LSAMP: variants seen among roughly 807,000 people sequenced by gnomAD.
The protein encoded by LSAMP is limbic system associated membrane protein.
Under a neutral mutation model 38.6 loss-of-function variants are expected in LSAMP, and 7 were observed. The ratio of observed to expected loss-of-function variants is 0.18; its 90% CI spans 0.10 to 0.34. The LOEUF is 0.34. LSAMP is among the 10% of genes least tolerant of loss of function. LSAMP has a pLI of 1.00. For synonymous variants in LSAMP, 154 were observed against 166.8 expected, an observed-to-expected ratio of 0.92 and a Z score of 0.59; for missense variants, 313 against 420.0, an observed-to-expected ratio of 0.75 and a Z score of 2.23.
At chr3:116,284,211 G>T (rs1371466613) in intron 1 of LSAMP, among the ~76,000 whole-genome samples, 6 of 152,034 alleles carry the variant, frequency 3.9e-5, no homozygotes, top group African/African-American at 1.2e-4. Flanking sequence ...GAGATCTATT[G>T]TTTCATGCCT....
chr3:116,357,845 C>A (rs868822238), intron 1 of LSAMP, among the ~76,000 whole-genome samples: 44 of 151,554 alleles, frequency 2.9e-4, no homozygotes, highest in African/African-American at 1.0e-3. Flanking sequence ...AACAGAAAAT[C>A]TTCCCTGGGG....
chr3:115,884,830 G>A (rs949758951), intron 3 of LSAMP, among the ~76,000 whole-genome samples: 5 of 151,864 alleles, frequency 3.3e-5, no homozygotes, highest in African/African-American at 9.7e-5. Flanking sequence ...GAATAAACAC[G>A]AATGATTATA....
chr3:116,332,933 A>C (rs1245947236), intron 1 of LSAMP, among the ~76,000 whole-genome samples: 1 of 152,138 alleles, frequency 6.6e-6, no homozygotes, highest in Non-Finnish European at 1.5e-5. Context: ...TCAATACAGT[A>C]GGAAGATATA....
rs114813050 is a variant in LSAMP at position 116,194,931 on chromosome 3, A to G, written c.156-108375T>C. ...ACACTTCCATGCTGGTCCTTGACCT[A>G]TTATTCTAAAAGTTATTCTTCATTC... On this transcript the variant is annotated intron_variant, in intron 1 of 6. Transcript: ENST00000490035. Among the ~76,000 whole-genome samples, 254 of 152,356 alleles carry G rather than the reference A, an allele frequency of 1.7e-3. 1 individual carries two copies. The highest frequency in any genetic ancestry group is 5.4e-3 in the African/African-American group (225 of 41,588).
At chr3:115,836,113 T>C (rs1301914746) in intron 6 of LSAMP, among the ~76,000 whole-genome samples, 1 of 152,200 alleles carries the variant, frequency 6.6e-6, no homozygotes, top group East Asian at 1.9e-4. Flanking sequence ...ACTCTGCCCT[T>C]ATTTCCACAT....
chr3:116,192,041 A>C (rs1245061397), intron 1 of LSAMP, among the ~76,000 whole-genome samples: 1 of 152,214 alleles, frequency 6.6e-6, no homozygotes, highest in Non-Finnish European at 1.5e-5. Context: ...GAGATAACAA[A>C]CATAACCTAA....
At chr3:116,125,377 G>A (rs879831395) in intron 1 of LSAMP, among the ~76,000 whole-genome samples, 1 of 111,080 alleles carries the variant, frequency 9.0e-6, no homozygotes, top group Admixed American at 1.1e-4. Context: ...CCCCCGCCAC[G>A]AGTTTCCTTC....
At chr3:116,351,770 G>A (rs2107766373) in intron 1 of LSAMP, among the ~76,000 whole-genome samples, 1 of 152,094 alleles carries the variant, frequency 6.6e-6, no homozygotes, top group East Asian at 1.9e-4. Context: ...CAAACTAGCT[G>A]GCTCACACGT....
At chr3:116,218,342 C>T (rs1487241403) in intron 1 of LSAMP, among the ~76,000 whole-genome samples, 1 of 152,106 alleles carries the variant, frequency 6.6e-6, no homozygotes, top group Non-Finnish European at 1.5e-5. Context: ...TTGTGACAGG[C>T]TTTATCTGAT....
chr3:116,378,082 C>A (rs2048516029), intron 1 of LSAMP, among the ~76,000 whole-genome samples: 1 of 152,064 alleles, frequency 6.6e-6, no homozygotes, highest in South Asian at 2.1e-4. Flanking sequence ...CCTTCTAGGG[C>A]TTAAACCTTG....
intron 1 of LSAMP, among the ~76,000 whole-genome samples, chr3:116,139,964 T>C (rs1017494475): frequency 6.6e-6 from 1 of 151,950 alleles, no homozygotes; most frequent in Admixed American, 6.6e-5. Context: ...GCAGAGATGG[T>C]TTTATTAGTC....
intron 1 of LSAMP, among the ~76,000 whole-genome samples, chr3:116,184,059 T>G (rs1409388527): frequency 6.6e-6 from 1 of 151,804 alleles, no homozygotes; most frequent in African/African-American, 2.4e-5. Flanking sequence ...GATACGAAAG[T>G]TGAACTCGAG....
In LSAMP at chr3:115,808,444, A is replaced by G. The variant is rs1933698939; in HGVS notation, c.*1873T>C. The G allele has an allele frequency of 6.6e-6, 1 of 152,146 alleles. No individual in the cohort carries two copies. The highest frequency in any genetic ancestry group is 6.6e-5 in the Admixed American group (1 of 15,266). 9.4% of individuals were successfully genotyped at this position (152,146 alleles called of 1,614,324 possible). On this transcript the variant is annotated 3_prime_UTR_variant, in exon 7 of 7. Coordinates refer to ENST00000490035, the MANE Select transcript of LSAMP (RefSeq NM_002338.5). ...TATGCAGAGAGCCAGCTCTCTCGGC[A>G]AGACATTTCCTAAGAAATCCTTCTG... is the stretch of plus-strand genomic sequence containing the variant.
At chr3:115,859,528 G>C (rs1312326863) in intron 3 of LSAMP, among the ~76,000 whole-genome samples, 2 of 152,118 alleles carry the variant, frequency 1.3e-5, no homozygotes, top group African/African-American at 2.4e-5. Context: ...CTATAGAAAT[G>C]TTCCCTATTT....
chr3:116,113,416 A>ATT (rs1559747952), intron 1 of LSAMP, among the ~76,000 whole-genome samples: 7 of 67,154 alleles, frequency 1.0e-4, no homozygotes, highest in East Asian at 2.9e-4. Context: ...ATATATATAT[A>ATT]TATATTTTTT....
At chr3:115,892,476 C>G (rs779012228) in intron 3 of LSAMP, among the ~76,000 whole-genome samples, 2 of 151,874 alleles carry the variant, frequency 1.3e-5, no homozygotes, top group Non-Finnish European at 1.5e-5. Flanking sequence ...TGAGAGAAGC[C>G]AGACACAAAA....
intron 1 of LSAMP, among the ~76,000 whole-genome samples, chr3:116,404,504 A>G (rs549083088): frequency 6.7e-4 from 102 of 152,236 alleles, no homozygotes; most frequent in African/African-American, 2.3e-3. Flanking sequence ...CAGATTAATG[A>G]TGGATGGTGA....
chr3:116,293,801 G>A (rs2047296970), intron 1 of LSAMP, among the ~76,000 whole-genome samples: 1 of 152,028 alleles, frequency 6.6e-6, no homozygotes, highest in Non-Finnish European at 1.5e-5. Flanking sequence ...TGGGGGTAAG[G>A]CAGGAATTGT....
chr3:116,375,016 T>C (rs915940205), intron 1 of LSAMP, among the ~76,000 whole-genome samples: 5 of 151,830 alleles, frequency 3.3e-5, no homozygotes, highest in Non-Finnish European at 5.9e-5. Context: ...CAAAAAAGAG[T>C]TGATTCCCTT....
Sources: gnomAD v4.1 joint callset for allele counts (sites outside exome capture counted in the v4.1 genomes callset) on GRCh38, gnomAD v4.1.1 for gene constraint, MANE v1.5 for transcripts, NCBI Gene and HGNC (gene_info 2026-07-23, HGNC 2026-07-21) for gene names.